Variants in CRYBG1 observed in about 807,000 individuals in gnomAD.
CRYBG1 encodes the protein beta/gamma crystallin domain-containing protein 1.
A neutral mutation model predicts 189.2 loss-of-function variants in CRYBG1; 139 were observed. The observed-to-expected ratio is 0.73, with a 90% CI of 0.64 to 0.85. The LOEUF (loss-of-function observed/expected upper bound fraction) is 0.85, where lower values mean the gene tolerates loss of function less well. Ranked by LOEUF, CRYBG1 falls within the 40% of genes least tolerant of loss-of-function variation. The probability of loss-of-function intolerance (pLI) is 0.00; values close to 1 mark genes in which losing one functional copy is unlikely to be tolerated. For missense variants in CRYBG1, 2,611 were observed against 2,675.8 expected (o/e 0.98, Z 0.53); for synonymous variants, 1,023 against 1,017.1 (o/e 1.01, Z -0.11).
chr6:106,512,278 G>C lies in CRYBG1; in HGVS notation c.1161G>C (p.Gly387=). 4 of 1,573,102 alleles carry C rather than the reference G, an allele frequency of 2.5e-6. No individual in the cohort carries two copies. Among genetic ancestry groups the C allele is most frequent in the Non-Finnish European group, 3.4e-6 (4 of 1,162,948 alleles). Residue 387 remains glycine (G), a synonymous_variant, in exon 3 of 22, where the codon GGG becomes GGC. Transcript: ENST00000633556. ...ACATCTACTTGAGTAAGACTGAGGGGGCACAAGTGGACGAGCCGGTCGTGA... is the reference window on the plus strand; with the variant it reads ...ACATCTACTTGAGTAAGACTGAGGGCGCACAAGTGGACGAGCCGGTCGTGA... ...TLDIYLSKTE[G]AQVDEPVVIT... is the part of the protein sequence containing the mutation.
In CRYBG1 at chr6:106,451,713, G is replaced by A. The variant is rs1160071575; in HGVS notation, c.193G>A (p.Gly65Arg). The change falls in exon 2 of 22, where the codon GGA (glycine) becomes AGA (arginine). Residue 65 changes from glycine (G) to arginine (R), a missense_variant. Physicochemically the swap from Gly to Arg is moderately radical, Grantham distance 125. Around this residue, in one of 3 missense-constraint regions of CRYBG1, gnomAD observed 985 missense variants for 924.4 expected, o/e 1.07. Coordinates refer to ENST00000633556, the MANE Select transcript of CRYBG1 (RefSeq NM_001371242.2). ...GEARALDVVD[G>R]KYVVRDSQEF... The stretch of plus-strand genomic sequence containing the variant: ...TTGCAGAGCTTTGGATGTAGTCGAT[G>A]GAAAATATGTGGTTCGAGACTCCCA... 1.3e-6 allele frequency: 2 copies of A among 1,533,324 alleles called. No homozygotes were observed. Among genetic ancestry groups the A allele is most frequent in the South Asian group, 1.2e-5 (1 of 83,694 alleles). The allele number at this position is 1,533,324 out of a possible 1,614,324, so 95.0% of individuals were successfully genotyped here.
At chr6:106,477,930 G>A (rs746646733) in intron 2 of CRYBG1, among the ~76,000 whole-genome samples, 17 of 152,250 alleles carry the variant, frequency 1.1e-4, no homozygotes, top group South Asian at 2.1e-4. Context: ...GTGCCAAGGC[G>A]CCAGTTCCAT....
chr6:106,386,023 A>G (rs1296624815), intron 1 of CRYBG1, among the ~76,000 whole-genome samples: 1 of 152,224 alleles, frequency 6.6e-6, no homozygotes. Flanking sequence ...CCAAAGGCTC[A>G]TCTTTTAATG....
chr6:106,444,346 G>T (rs545396781), intron 1 of CRYBG1, among the ~76,000 whole-genome samples: 2 of 152,270 alleles, frequency 1.3e-5, no homozygotes, highest in South Asian at 4.1e-4. Context: ...ATGACCTTCA[G>T]CTTCTCTAAA....
intron 2 of CRYBG1, among the ~76,000 whole-genome samples, chr6:106,490,395 C>A (rs539324778): frequency 6.6e-6 from 1 of 152,242 alleles, no homozygotes; most frequent in East Asian, 1.9e-4. Context: ...GAAAGAGGAA[C>A]TAATCGAAAC....
chr6:106,439,129 A>T (rs12216495), intron 1 of CRYBG1, among the ~76,000 whole-genome samples: 12,706 of 151,920 alleles, frequency 0.084, 588 homozygotes, highest in East Asian at 0.16. Flanking sequence ...TTTTAAAGAA[A>T]AAAACGGATG....
intron 21 of CRYBG1, among the ~76,000 whole-genome samples, chr6:106,565,989 C>G (rs530721460): frequency 6.6e-6 from 1 of 152,254 alleles, no homozygotes; most frequent in African/African-American, 2.4e-5. Flanking sequence ...GTATGTAGTT[C>G]TCAAAGGAAA....
chr6:106,384,633 C>A (rs977177140), intron 1 of CRYBG1, among the ~76,000 whole-genome samples: 20 of 152,174 alleles, frequency 1.3e-4, no homozygotes, highest in African/African-American at 4.3e-4. Context: ...TGGAAGCATG[C>A]TTCTCAGTGC....
At chr6:106,411,369 G>C (rs1770925572) in intron 1 of CRYBG1, among the ~76,000 whole-genome samples, 2 of 152,136 alleles carry the variant, frequency 1.3e-5, no homozygotes, top group African/African-American at 4.8e-5. Context: ...TGTTCTGTAG[G>C]GGTTAACCTA....
chr6:106,550,049 C>T (rs1261904557), intron 13 of CRYBG1, among the ~76,000 whole-genome samples: 1 of 152,170 alleles, frequency 6.6e-6, no homozygotes, highest in Non-Finnish European at 1.5e-5. Context: ...ATTGTGTCAC[C>T]CTGGACAAGT....
chr6:106,367,019 G>T (rs2114292187), intron 1 of CRYBG1, among the ~76,000 whole-genome samples: 1 of 152,276 alleles, frequency 6.6e-6, no homozygotes, highest in South Asian at 2.1e-4. Context: ...TGCCTTAAAA[G>T]TCTTAATATA....
chr6:106,441,792 GA>G (rs1228292511), intron 1 of CRYBG1, among the ~76,000 whole-genome samples: 1 of 152,076 alleles, frequency 6.6e-6, no homozygotes, highest in East Asian at 1.9e-4. Context: ...CAGGTGCTTG[GA>G]AATTGAGTAA....
At chr6:106,457,915 C>T (rs189927105) in intron 2 of CRYBG1, among the ~76,000 whole-genome samples, 47 of 152,030 alleles carry the variant, frequency 3.1e-4, no homozygotes, top group Admixed American at 1.0e-3. Context: ...TTGTGCAAAA[C>T]GGGGGAATAG....
chr6:106,512,967 C>T lies in CRYBG1; in HGVS notation c.1850C>T (p.Ser617Phe), dbSNP rs1216214185. The change falls in exon 3 of 22, where the codon TCT (serine) becomes TTT (phenylalanine). Residue 617 changes from serine (S) to phenylalanine (F), a missense_variant. By Grantham distance (155) the Ser-to-Phe change is radical. This residue lies in a region of CRYBG1 where 985 missense variants were observed against 924.4 expected (regional missense o/e 1.07). Coordinates refer to ENST00000633556, the MANE Select transcript of CRYBG1 (RefSeq NM_001371242.2). ...AGAGCGGCCGGAGCGCCTGGAGCTT[C>T]TGACGCCGACGGCTTGAAGCCCAGG... ...LGRAAGAPGA[S>F]DADGLKPRNH... The T allele has an allele frequency of 6.2e-7, 1 of 1,611,246 alleles. No homozygotes were observed. Among genetic ancestry groups the T allele is most frequent in the Admixed American group, 1.7e-5 (1 of 59,910 alleles).
intron 1 of CRYBG1, among the ~76,000 whole-genome samples, chr6:106,439,730 C>T (rs1771533642): frequency 6.7e-6 from 1 of 149,836 alleles, no homozygotes; most frequent in African/African-American, 2.4e-5. Context: ...TTGTATCATC[C>T]CTGACTGAAA....
intron 8 of CRYBG1, among the ~76,000 whole-genome samples, chr6:106,531,271 A>G (rs1348034381): frequency 6.6e-6 from 1 of 152,274 alleles, no homozygotes; most frequent in African/African-American, 2.4e-5. Flanking sequence ...TACAGATCAT[A>G]GAATCTGATT....
intron 2 of CRYBG1, among the ~76,000 whole-genome samples, chr6:106,453,875 G>A (rs774897775): frequency 4.6e-5 from 7 of 152,176 alleles, no homozygotes; most frequent in Non-Finnish European, 7.4e-5. Context: ...GCTTGAAGCC[G>A]CAGATGAACT....
chr6:106,525,219 G>C, intron 5 of CRYBG1, 39 bp downstream of exon 5: 1 of 1,613,802 alleles, frequency 6.2e-7, no homozygotes, highest in Non-Finnish European at 8.5e-7. Flanking sequence ...ATTCTATTTT[G>C]GTCTGACAGA....
chr6:106,464,298 G>T (rs565458890), intron 2 of CRYBG1, among the ~76,000 whole-genome samples: 8 of 152,232 alleles, frequency 5.3e-5, no homozygotes, highest in African/African-American at 1.2e-4. Context: ...TTCAAGACCA[G>T]CCTGACCAAC....
Sources: gnomAD v4.1 joint callset for allele counts (sites outside exome capture counted in the v4.1 genomes callset) on GRCh38, gnomAD v4.1.1 for gene constraint, gnomAD v4.1.1 regional missense constraint, MANE v1.5 for transcripts, NCBI Gene and HGNC (gene_info 2026-07-23, HGNC 2026-07-21) for gene names.